The following AGBL4 variants were observed in gnomAD, a reference collection of about 807,000 sequenced individuals.
The protein encoded by AGBL4 is AGBL carboxypeptidase 4.
AGBL4 carries 58 observed loss-of-function variants against 66.4 expected under a neutral mutation model. That is an observed-to-expected ratio of 0.87 (90% confidence interval 0.71 to 1.09). The LOEUF is 1.09. AGBL4 is among the 50% of genes least tolerant of loss of function. AGBL4 has a pLI of 0.00. For missense variants in AGBL4, 579 were observed against 631.0 expected (o/e 0.92, Z 0.88); for synonymous variants, 234 against 222.9 (o/e 1.05, Z -0.44).
At chr1:49,931,015 G>C (rs1001122719) in intron 1 of AGBL4, among the ~76,000 whole-genome samples, 1 of 152,014 alleles carries the variant, frequency 6.6e-6, no homozygotes. Flanking sequence ...CTACGGAAAA[G>C]AATATAAAAG....
chr1:49,194,862 G>C (rs1647196698), intron 4 of AGBL4, among the ~76,000 whole-genome samples: 1 of 149,596 alleles, frequency 6.7e-6, no homozygotes, highest in South Asian at 2.1e-4. Flanking sequence ...TTTTGAGTCA[G>C]GGTATTTCTC....
At chr1:49,080,004 A>C (rs1363069220) in intron 4 of AGBL4, among the ~76,000 whole-genome samples, 1 of 152,226 alleles carries the variant, frequency 6.6e-6, no homozygotes, top group Non-Finnish European at 1.5e-5. Flanking sequence ...ATTGTATGCC[A>C]GTAACTGTGT....
intron 4 of AGBL4, among the ~76,000 whole-genome samples, chr1:49,232,161 T>G (rs1250763050): frequency 2.0e-5 from 3 of 152,152 alleles, no homozygotes; most frequent in Non-Finnish European, 4.4e-5. Flanking sequence ...CAGTGATGGT[T>G]GCACAACTCT....
chr1:49,448,902 A>G (rs1646217638), intron 3 of AGBL4, among the ~76,000 whole-genome samples: 1 of 152,118 alleles, frequency 6.6e-6, no homozygotes, highest in Non-Finnish European at 1.5e-5. Context: ...TATGATTAAT[A>G]CTTAAGGGAT....
At chr1:49,021,483 T>C (rs1411164659) in intron 5 of AGBL4, among the ~76,000 whole-genome samples, 1 of 152,064 alleles carries the variant, frequency 6.6e-6, no homozygotes, top group Non-Finnish European at 1.5e-5. Flanking sequence ...ATGGGATTAG[T>C]GCCTTTAAAA....
chr1:49,209,178 T>A (rs774637195), intron 4 of AGBL4, among the ~76,000 whole-genome samples: 3 of 152,142 alleles, frequency 2.0e-5, no homozygotes, highest in African/African-American at 2.4e-5. Flanking sequence ...GATCTCTAAC[T>A]TGGTTAAGAA....
chr1:48,567,755 G>A (rs1447781383), intron 11 of AGBL4, among the ~76,000 whole-genome samples: 2 of 152,186 alleles, frequency 1.3e-5, no homozygotes, highest in Non-Finnish European at 2.9e-5. Flanking sequence ...GTCTTTGGCT[G>A]AGCAGGGAGG....
intron 6 of AGBL4, among the ~76,000 whole-genome samples, chr1:48,741,245 C>T (rs2148592458): frequency 6.6e-6 from 1 of 152,316 alleles, no homozygotes; most frequent in East Asian, 1.9e-4. Flanking sequence ...GGAAGGTTCA[C>T]CAAACTTAGA....
chr1:49,115,007 C>T (rs1645487237), intron 4 of AGBL4, among the ~76,000 whole-genome samples: 1 of 151,910 alleles, frequency 6.6e-6, no homozygotes, highest in African/African-American at 2.4e-5. Flanking sequence ...AAAAATGATG[C>T]CAATAGACTT....
intron 1 of AGBL4, among the ~76,000 whole-genome samples, chr1:49,856,037 A>G (rs1646424284): frequency 2.9e-5 from 1 of 35,038 alleles, no homozygotes; most frequent in African/African-American, 2.0e-4. Flanking sequence ...AATAAATAAA[A>G]TCAGAAATAA....
intron 3 of AGBL4, among the ~76,000 whole-genome samples, chr1:49,282,643 G>C (rs556533153): frequency 6.6e-6 from 1 of 152,320 alleles, no homozygotes; most frequent in South Asian, 2.1e-4. Context: ...CCAGACAGTG[G>C]GCGCAGGTCA....
At chr1:49,263,827 T>G (rs1005134177) in intron 3 of AGBL4, among the ~76,000 whole-genome samples, 2 of 152,190 alleles carry the variant, frequency 1.3e-5, no homozygotes, top group Non-Finnish European at 2.9e-5. Flanking sequence ...AGGAGACACA[T>G]GCAGAGTTGT....
At chr1:49,147,859 A>G (rs11205604) in intron 4 of AGBL4, among the ~76,000 whole-genome samples, 14,690 of 152,046 alleles carry the variant, frequency 0.097, 1,309 homozygotes, top group African/African-American at 0.23. Flanking sequence ...CCCTGTGGCC[A>G]GGTCTTAGGC....
intron 5 of AGBL4, among the ~76,000 whole-genome samples, chr1:48,940,543 A>C (rs1249345521): frequency 6.6e-6 from 1 of 152,180 alleles, no homozygotes; most frequent in Admixed American, 6.5e-5. Flanking sequence ...TGTTTTGGGA[A>C]ATGAAAATGG....
intron 3 of AGBL4, among the ~76,000 whole-genome samples, chr1:49,419,622 A>G (rs1189979317): frequency 6.6e-6 from 1 of 152,222 alleles, no homozygotes; most frequent in Non-Finnish European, 1.5e-5. Context: ...TTTACATTTC[A>G]GTTGGAGATC....
chr1:48,743,062 C>A (rs1306901823), intron 6 of AGBL4, among the ~76,000 whole-genome samples: 1 of 152,118 alleles, frequency 6.6e-6, no homozygotes, highest in African/African-American at 2.4e-5. Flanking sequence ...CAACTTCCTG[C>A]ATAGGAAAGA....
intron 5 of AGBL4, among the ~76,000 whole-genome samples, chr1:48,996,193 T>A (rs886347049): frequency 3.3e-5 from 5 of 152,222 alleles, no homozygotes; most frequent in Admixed American, 3.3e-4. Context: ...CATTTTGACT[T>A]GCCTATTTGA....
intron 7 of AGBL4, among the ~76,000 whole-genome samples, chr1:48,655,320 C>A (rs1238665961): frequency 4.6e-5 from 7 of 152,034 alleles, no homozygotes. Context: ...CTTTTCTTTT[C>A]TTTTTTTCTT....
rs1003646795 is a variant in AGBL4 at position 49,681,266 on chromosome 1, T to C, written c.282+16047A>G. On this transcript the variant is annotated intron_variant, in intron 3 of 13. Coordinates refer to ENST00000371839, the MANE Select transcript of AGBL4 (RefSeq NM_032785.4). ...TTTCCCCAGTTCTTGCTATGACAGA[T>C]TACTTTTAACTAAAATCTAAATATT... Among the ~76,000 whole-genome samples, 9 of 152,308 alleles carry C rather than the reference T, an allele frequency of 5.9e-5. No individual in the cohort carries two copies. In the East Asian group the frequency reaches 1.7e-3, roughly 29 times the overall value.
Sources: gnomAD v4.1 joint callset for allele counts (sites outside exome capture counted in the v4.1 genomes callset) on GRCh38, gnomAD v4.1.1 for gene constraint, MANE v1.5 for transcripts, NCBI Gene and HGNC (gene_info 2026-07-23, HGNC 2026-07-21) for gene names.